The following ZNF462 variants were observed in gnomAD, a reference collection of about 807,000 sequenced individuals.
ZNF462 encodes zinc finger protein 462.
In ZNF462, 10 loss-of-function variants were observed where a neutral mutation model predicts 201.9. The ratio of observed to expected loss-of-function variants is 0.05; its 90% CI spans 0.03 to 0.08. The LOEUF is 0.08. ZNF462 is among the 10% of genes least tolerant of loss of function. The pLI is 1.00. For missense variants in ZNF462, 2,523 were observed against 3,168.3 expected, an observed-to-expected ratio of 0.80 and a Z score of 4.89; for synonymous variants, 1,227 against 1,193.3, an observed-to-expected ratio of 1.03 and a Z score of -0.58.
chr9:106,878,490 A>G (rs1222493038), intron 1 of ZNF462, among the ~76,000 whole-genome samples: 2 of 152,236 alleles, frequency 1.3e-5, no homozygotes, highest in African/African-American at 4.8e-5. Flanking sequence ...ATGTGCCCAT[A>G]CGTCTATTCA....
chr9:106,900,727 A>T (rs1235636655), intron 1 of ZNF462, among the ~76,000 whole-genome samples: 1 of 151,684 alleles, frequency 6.6e-6, no homozygotes, highest in Non-Finnish European at 1.5e-5. Flanking sequence ...CTACTTTTTG[A>T]TGGGATTGTT....
rs149093772 is a variant in ZNF462, at chr9:106,905,468, C to T, written c.-30-17886C>T. ...AGTGTGGAGAGAGACCAGAGGTGGG[C>T]GGGGCCCTAGAATCCCCAAGATTAT... On this transcript the variant is annotated intron_variant, in intron 1 of 12. Coordinates refer to ENST00000277225, the MANE Select transcript of ZNF462 (RefSeq NM_021224.6). This position sits in a 1 kb window ranked among gnomAD's most constrained non-coding sequence, Gnocchi z 5.9. 6.6e-3 allele frequency among the ~76,000 whole-genome samples: 1,006 copies of T among 152,130 alleles called. 10 individuals are homozygous for T. The highest frequency in any genetic ancestry group is 0.022 in the African/African-American group (930 of 41,514).
chr9:106,972,713 C>T lies in ZNF462; in HGVS notation c.6695+441C>T, dbSNP rs570383217. Among the ~76,000 whole-genome samples the T allele has an allele frequency of 1.3e-5, 2 of 152,110 alleles. No individual in the cohort carries two copies. The highest frequency in any genetic ancestry group is 3.9e-4 in the East Asian group (2 of 5,186). ...TAGAAAATTCTTTAATTCTTAAGAT[C>T]GTAGTATTGAAAGACACATAGAGAA... On this transcript the variant is annotated intron_variant, in intron 8 of 12. Transcript: ENST00000277225. This position sits in a 1 kb window ranked among gnomAD's most constrained non-coding sequence, Gnocchi z 4.8.
chr9:107,012,711 G>GGT lies in ZNF462; in HGVS notation c.*1681_*1682insGT, dbSNP rs1162512647. On this transcript the variant is annotated 3_prime_UTR_variant, in exon 13 of 13. Coordinates refer to ENST00000277225, the MANE Select transcript of ZNF462 (RefSeq NM_021224.6). ...CACGTGTGAATCCTTTGGTTTTCAT[G>GGT]TTTTTTTTTTTTTTTTTTTACTTGG... 1.6e-4 allele frequency: 11 copies of GGT among 70,278 alleles called. No individual in the cohort carries two copies. The highest frequency in any genetic ancestry group is 4.3e-4 in the African/African-American group (10 of 23,332). 4.4% of individuals were successfully genotyped at this position (70,278 alleles called of 1,614,324 possible).
intron 1 of ZNF462, among the ~76,000 whole-genome samples, chr9:106,914,843 G>T (rs1829701541): frequency 6.6e-6 from 1 of 152,166 alleles, no homozygotes; most frequent in African/African-American, 2.4e-5. Context: ...TAAGGGTTGG[G>T]AGTGGTGGCT....
rs992894842 is a variant in ZNF462, at chr9:106,938,181, T to C, written c.6236-735T>C. 2.0e-5 allele frequency among the ~76,000 whole-genome samples: 3 copies of C among 152,188 alleles called. No homozygotes were observed. The highest frequency in any genetic ancestry group is 7.2e-5 in the African/African-American group (3 of 41,450). On this transcript the variant is annotated intron_variant, in intron 6 of 12. Transcript: ENST00000277225. The surrounding 1 kb of genome is among the most constrained non-coding windows in gnomAD (Gnocchi z 4.4). Reference sequence around the variant, plus strand: ...AGTGGCATAAAATTAATTTTAAAAGTAGTGCTTATTTTTACTGAGAGGCAG... The same window carrying C: ...AGTGGCATAAAATTAATTTTAAAAGCAGTGCTTATTTTTACTGAGAGGCAG...
intron 7 of ZNF462, among the ~76,000 whole-genome samples, chr9:106,943,872 A>T (rs1004554977): frequency 1.3e-5 from 2 of 152,138 alleles, no homozygotes; most frequent in African/African-American, 4.8e-5. Flanking sequence ...TTTCATTTCC[A>T]TTTAAGAGGC....
rs1343732255 is a variant in ZNF462 at position 107,006,020 on chromosome 9, C to G, written c.7189+2594C>G. Among the ~76,000 whole-genome samples the G allele has an allele frequency of 1.3e-5, 2 of 152,132 alleles. No individual in the cohort carries two copies. The highest frequency in any genetic ancestry group is 2.9e-5 in the Non-Finnish European group (2 of 68,018). On this transcript the variant is annotated intron_variant, in intron 11 of 12. Coordinates refer to ENST00000277225, the MANE Select transcript of ZNF462 (RefSeq NM_021224.6). This position sits in a 1 kb window ranked among gnomAD's most constrained non-coding sequence, Gnocchi z 4.3. ...ATGTGTGGATTTATTTCTGGGCTCT[C>G]TATTCTGTTCTGTTGGTCTGTGTAT... is the stretch of plus-strand genomic sequence containing the variant.
At chr9:106,875,798 A>C (rs929615694) in intron 1 of ZNF462, among the ~76,000 whole-genome samples, 3 of 152,180 alleles carry the variant, frequency 2.0e-5, no homozygotes, top group Admixed American at 2.0e-4. Flanking sequence ...TCTGACATGC[A>C]GTTATATGGG....
intron 7 of ZNF462, among the ~76,000 whole-genome samples, chr9:106,959,377 A>G (rs896563358): frequency 6.6e-6 from 1 of 152,078 alleles, no homozygotes; most frequent in Non-Finnish European, 1.5e-5. Context: ...AAGGAGTCCA[A>G]ATGCTTCCAT....
At position 106,925,706 on chromosome 9, in the gene ZNF462, C is replaced by A. The variant is rs767964448; in HGVS notation, c.1794C>A (p.His598Gln). Residue 598 changes from histidine to glutamine, a missense_variant, in exon 3 of 13, where the codon CAC becomes CAA. Transcript: ENST00000277225. The surrounding 1 kb of genome is among the most constrained non-coding windows in gnomAD (Gnocchi z 7.9). ...PQPPTQAAPL[H>Q]PYKCTMCNYS... ...CACCCACACAAGCCGCACCTCTGCACCCATACAAATGCACCATGTGTAATT... is the reference window on the plus strand; with the variant it reads ...CACCCACACAAGCCGCACCTCTGCAACCATACAAATGCACCATGTGTAATT... 4.5e-5 allele frequency: 73 copies of A among 1,614,028 alleles called. No individual in the cohort carries two copies. The South Asian group carries it at 7.0e-4, about 16-fold the overall frequency.
intron 7 of ZNF462, among the ~76,000 whole-genome samples, chr9:106,959,382 T>G (rs1467261272): frequency 6.6e-6 from 1 of 152,112 alleles, no homozygotes; most frequent in Non-Finnish European, 1.5e-5. Context: ...GTCCAAATGC[T>G]TCCATCCATA....
intron 10 of ZNF462, among the ~76,000 whole-genome samples, chr9:106,994,662 G>C (rs571750077): frequency 6.6e-6 from 1 of 152,204 alleles, no homozygotes; most frequent in Non-Finnish European, 1.5e-5. Flanking sequence ...CTATAGCTCT[G>C]TCTCTTCCGT....
At chr9:106,992,965 T>C (rs779000832) in intron 10 of ZNF462, among the ~76,000 whole-genome samples, 7 of 152,118 alleles carry the variant, frequency 4.6e-5, no homozygotes, top group Non-Finnish European at 1.0e-4. Flanking sequence ...AACAAGATAC[T>C]CAAGATCCGG....
In ZNF462 at chr9:106,885,753, CT is replaced by C. The variant is rs571619802; in HGVS notation, c.-31+22401del. On this transcript the variant is annotated intron_variant, in intron 1 of 12. Transcript: ENST00000277225. This position sits in a 1 kb window ranked among gnomAD's most constrained non-coding sequence, Gnocchi z 4.1. ...TGCAGAGCTCATGCTACCATCAAGA[CT>C]TTAGAACAAGGACAACTTGAAGTGG... Among the ~76,000 whole-genome samples the C allele has an allele frequency of 2.0e-5, 3 of 152,180 alleles. No homozygotes were observed. In the South Asian group the frequency reaches 6.2e-4, roughly 32 times the overall value.
chr9:106,927,513 G>A lies in ZNF462; in HGVS notation c.3601G>A (p.Gly1201Arg), dbSNP rs1330178325. ...EMFFCQHCDY[G>R]NRTVKGVLIH... Reference sequence around the variant, plus strand: ...GTTCTTTTGCCAGCACTGTGATTATGGGAACCGGACGGTCAAAGGGGTACT... The same window carrying A: ...GTTCTTTTGCCAGCACTGTGATTATAGGAACCGGACGGTCAAAGGGGTACT... The change falls in exon 3 of 13, where the codon GGG (glycine) becomes AGG (arginine). Residue 1201 changes from glycine (G) to arginine (R), a missense_variant. Transcript: ENST00000277225. 1 of 1,613,442 alleles carries A rather than the reference G, an allele frequency of 6.2e-7. No individual in the cohort carries two copies. The highest frequency in any genetic ancestry group is 1.7e-5 in the Admixed American group (1 of 59,954).
chr9:106,990,311 A>G (rs1828166783), intron 10 of ZNF462, among the ~76,000 whole-genome samples: 1 of 151,884 alleles, frequency 6.6e-6, no homozygotes. Flanking sequence ...AATTTTCTTA[A>G]TTTATTGAGG....
chr9:107,003,203 A>G lies in ZNF462; in HGVS notation c.7057-91A>G. On this transcript the variant is annotated intron_variant, in intron 10 of 12. Transcript: ENST00000277225. The surrounding 1 kb of genome is among the most constrained non-coding windows in gnomAD (Gnocchi z 4.4). The stretch of plus-strand genomic sequence containing the variant: ...GTCCTGGTTGCAAAACCACAGTCAC[A>G]GGAAAATGATGTTAGAAAGATCTCT... The G allele has an allele frequency of 6.5e-7, 1 of 1,533,940 alleles. No homozygotes were observed. Among genetic ancestry groups the G allele is most frequent in the Non-Finnish European group, 8.8e-7 (1 of 1,139,788 alleles).
rs1827274433 is a variant in ZNF462 at position 106,865,092 on chromosome 9, A to G, written c.-31+1737A>G. Among the ~76,000 whole-genome samples the G allele has an allele frequency of 6.6e-6, 1 of 152,112 alleles. No individual in the cohort carries two copies. The highest frequency in any genetic ancestry group is 2.4e-5 in the African/African-American group (1 of 41,410). On this transcript the variant is annotated intron_variant, in intron 1 of 12. Transcript: ENST00000277225. This position sits in a 1 kb window ranked among gnomAD's most constrained non-coding sequence, Gnocchi z 4.1. ...ACCTTGTGGTGGTTCCTCACTGTCT[A>G]TTCATTATGCAAGGAAATGAGGGCT...
Sources: allele counts gnomAD v4.1 joint callset (sites outside exome capture counted in the v4.1 genomes callset), GRCh38; gene constraint gnomAD v4.1.1; non-coding constraint Gnocchi (gnomAD v3.1); transcripts MANE v1.5; gene names NCBI Gene and HGNC (gene_info 2026-07-23, HGNC 2026-07-21).